Variants in PCDHA11 observed in about 807,000 individuals in gnomAD.
The protein encoded by PCDHA11 is protocadherin alpha 11.
A neutral mutation model predicts 70.3 loss-of-function variants in PCDHA11; 61 were observed. The observed-to-expected ratio is 0.87, with a 90% CI of 0.71 to 1.07. PCDHA11 has a LOEUF of 1.07. Among genes scored for constraint, PCDHA11 ranks in the 50% least tolerant of loss-of-function variants. PCDHA11 has a pLI of 0.00. For missense variants in PCDHA11, 1,324 were observed against 1,237.5 expected (o/e 1.07, Z -1.05); for synonymous variants, 633 against 555.1 (o/e 1.14, Z -1.97).
chr5:140,966,705 G>A, intron 1 of PCDHA11: 1 of 1,379,198 alleles, frequency 7.3e-7, no homozygotes, highest in Non-Finnish European at 9.3e-7. Context: ...CGGGCGTGGG[G>A]CACGGCTGGG....
At chr5:140,873,957 A>C (rs993299790) in intron 1 of PCDHA11, among the ~76,000 whole-genome samples, 7 of 152,236 alleles carry the variant, frequency 4.6e-5, no homozygotes, top group Non-Finnish European at 7.3e-5. Flanking sequence ...CACTGAGCCC[A>C]GCCTATTTTT....
At chr5:140,967,649 T>C in intron 1 of PCDHA11, 1 of 1,614,132 alleles carries the variant, frequency 6.2e-7, no homozygotes. Context: ...GCTCAGGTAC[T>C]CCTTGAGCAG....
rs2052630009 is a variant in PCDHA11, at chr5:140,871,022, A to G, written c.1919A>G (p.Asp640Gly). The stretch of plus-strand genomic sequence containing the variant: ...ACAACGCGTGCCCTGGACGAGGCAG[A>G]CTCGCCGCGCCACCGACTTCTAGTA... ...ISTTRALDEA[D>G]SPRHRLLVLV... The change falls in exon 1 of 4, where the codon GAC (aspartate) becomes GGC (glycine). Residue 640 changes from aspartate (D) to glycine (G), a missense_variant. Asp to Gly is a moderately conservative substitution (Grantham distance 94). Coordinates refer to ENST00000398640, the MANE Select transcript of PCDHA11 (RefSeq NM_018902.5). 6.2e-7 allele frequency: 1 copy of G among 1,613,114 alleles called. No homozygotes were observed. The highest frequency in any genetic ancestry group is 1.3e-5 in the African/African-American group (1 of 74,994).
chr5:140,967,257 G>A (rs782706939), intron 1 of PCDHA11: 2 of 1,613,486 alleles, frequency 1.2e-6, no homozygotes, highest in East Asian at 2.2e-5. Flanking sequence ...GTGGCGCCTG[G>A]AGCGCGCTTT....
intron 1 of PCDHA11, among the ~76,000 whole-genome samples, chr5:140,936,014 T>C (rs1405282987): frequency 4.0e-5 from 6 of 151,334 alleles, no homozygotes; most frequent in Non-Finnish European, 8.8e-5. Flanking sequence ...CACCTCAGCC[T>C]CCCGAGTAGC....
intron 1 of PCDHA11, among the ~76,000 whole-genome samples, chr5:140,897,323 T>TCCCTCCC (rs2065998893): frequency 1.7e-5 from 2 of 114,654 alleles, no homozygotes; most frequent in South Asian, 6.8e-4. Flanking sequence ...CCTAAAGCTA[T>TCCCTCCC]CCCTCCCCCC....
At chr5:140,877,511 C>G in intron 1 of PCDHA11, 1 of 1,613,808 alleles carries the variant, frequency 6.2e-7, no homozygotes, top group South Asian at 1.1e-5. Context: ...AAGACGTCGT[C>G]GCGGGCCTCA....
At position 140,918,968 on chromosome 5, in the gene PCDHA11, G is replaced by A. The variant is rs1028863089; in HGVS notation, c.2391+47474G>A. Among the ~76,000 whole-genome samples, 5 of 152,196 alleles carry A rather than the reference G, an allele frequency of 3.3e-5. 1 individual carries two copies. The highest frequency in any genetic ancestry group is 5.9e-5 in the Non-Finnish European group (4 of 68,034). On this transcript the variant is annotated intron_variant, in intron 1 of 3. Transcript: ENST00000398640. ...TCCTGAACAGACTAAGACAGATATC[G>A]TTTAGGTTAGTTGGTTTTTAGTGTT...
intron 3 of PCDHA11, among the ~76,000 whole-genome samples, chr5:141,000,411 A>T (rs2097918603): frequency 1.1e-5 from 1 of 94,870 alleles, no homozygotes; most frequent in African/African-American, 4.4e-5. Flanking sequence ...ATATATATAT[A>T]TATATATATA....
chr5:140,876,486 G>A, intron 1 of PCDHA11: 1 of 1,614,014 alleles, frequency 6.2e-7, no homozygotes, highest in Non-Finnish European at 8.5e-7. Context: ...TGGTCCTGGT[G>A]GAAGTTCTGG....
intron 1 of PCDHA11, among the ~76,000 whole-genome samples, chr5:140,895,850 AC>A (rs2065202764): frequency 6.6e-6 from 1 of 152,110 alleles, no homozygotes; most frequent in Non-Finnish European, 1.5e-5. Context: ...TCACTCTTGT[AC>A]CCCAGGCTGG....
chr5:140,887,251 C>G (rs2153419046), intron 1 of PCDHA11, among the ~76,000 whole-genome samples: 1 of 152,162 alleles, frequency 6.6e-6, no homozygotes. Context: ...CGCCCGCCAC[C>G]ACGCCCTGCT....
chr5:140,925,762 T>G (rs1172229426), intron 1 of PCDHA11, among the ~76,000 whole-genome samples: 3 of 152,052 alleles, frequency 2.0e-5, no homozygotes, highest in African/African-American at 7.2e-5. Flanking sequence ...ACAGAGTAGT[T>G]TCCTGGTCAA....
At chr5:140,948,271 T>C (rs1295867135) in intron 1 of PCDHA11, among the ~76,000 whole-genome samples, 4 of 151,646 alleles carry the variant, frequency 2.6e-5, no homozygotes, top group Non-Finnish European at 5.9e-5. Flanking sequence ...TCATGTAGAA[T>C]ATCTGTAAAT....
Position 140,920,248 on chromosome 5 carries a change from C to T in PCDHA11, c.2391+48754C>T, listed in dbSNP as rs77829363. 2.9e-3 allele frequency among the ~76,000 whole-genome samples: 443 copies of T among 152,218 alleles called. 1 individual carries two copies. The highest frequency in any genetic ancestry group is 0.01 in the African/African-American group (423 of 41,510). Reference sequence around the variant, plus strand: ...TAGTATTATATACCCAACAATACATCGCTATAATAATTATTACTTTATGTA... The same window carrying T: ...TAGTATTATATACCCAACAATACATTGCTATAATAATTATTACTTTATGTA... On this transcript the variant is annotated intron_variant, in intron 1 of 3. Coordinates refer to ENST00000398640, the MANE Select transcript of PCDHA11 (RefSeq NM_018902.5).
intron 1 of PCDHA11, among the ~76,000 whole-genome samples, chr5:140,889,098 T>C (rs1252119447): frequency 6.6e-6 from 1 of 152,012 alleles, no homozygotes; most frequent in African/African-American, 2.4e-5. Flanking sequence ...AACAATTTTT[T>C]CATCTTTATT....
chr5:140,916,723 T>C (rs1264644464), intron 1 of PCDHA11, among the ~76,000 whole-genome samples: 1 of 152,186 alleles, frequency 6.6e-6, no homozygotes, highest in Non-Finnish European at 1.5e-5. Context: ...GGAGTGACTT[T>C]TGTTGCTGCA....
At chr5:141,008,723 C>G (rs1480694972) in intron 3 of PCDHA11, among the ~76,000 whole-genome samples, 1 of 152,110 alleles carries the variant, frequency 6.6e-6, no homozygotes, top group Non-Finnish European at 1.5e-5. Flanking sequence ...GAGTGTATGT[C>G]CAACTAGACT....
intron 1 of PCDHA11, chr5:140,966,850 C>A: frequency 6.4e-7 from 1 of 1,572,900 alleles, no homozygotes; most frequent in Non-Finnish European, 8.6e-7. Flanking sequence ...TACTGCCTCT[C>A]CTGCTGCTGT....
Sources: gnomAD v4.1 joint callset for allele counts (sites outside exome capture counted in the v4.1 genomes callset) on GRCh38, gnomAD v4.1.1 for gene constraint, MANE v1.5 for transcripts, NCBI Gene and HGNC (gene_info 2026-07-23, HGNC 2026-07-21) for gene names.